Variants in RBL1 observed in about 807,000 individuals in gnomAD.
The protein encoded by RBL1 is retinoblastoma-like protein 1.
Under a neutral mutation model 123.0 loss-of-function variants are expected in RBL1, and 82 were observed. The ratio of observed to expected loss-of-function variants is 0.67; its 90% CI spans 0.56 to 0.80. The LOEUF (loss-of-function observed/expected upper bound fraction) is 0.80. RBL1 is among the 30% of genes least tolerant of loss of function. RBL1 has a pLI of 0.00. For missense variants in RBL1, 1,171 were observed against 1,299.6 expected, an observed-to-expected ratio of 0.90 and a Z score of 1.52; for synonymous variants, 405 against 441.3, an observed-to-expected ratio of 0.92 and a Z score of 1.03.
intron 11 of RBL1, among the ~76,000 whole-genome samples, chr20:37,050,724 C>A (rs1283205058): frequency 6.6e-6 from 1 of 151,720 alleles, no homozygotes; most frequent in Non-Finnish European, 1.5e-5. Context: ...CGACCAAGAA[C>A]TGCAGGGCAT....
intron 2 of RBL1, among the ~76,000 whole-genome samples, chr20:37,069,534 C>T (rs891903719): frequency 2.1e-5 from 3 of 144,454 alleles, no homozygotes; most frequent in Non-Finnish European, 3.1e-5. Flanking sequence ...GCTGCGACCC[C>T]GTCTGGGAGG....
At chr20:37,018,514 T>A in intron 18 of RBL1, 145 bp from the exon 19 acceptor site, 1 of 1,153,050 alleles carries the variant, frequency 8.7e-7, no homozygotes, top group South Asian at 2.0e-5. Flanking sequence ...TTATTAGCTC[T>A]AGTAAGTATA....
Position 37,015,138 on chromosome 20 carries a change from G to C in RBL1, c.2722+3141C>G, listed in dbSNP as rs1369807797. On this transcript the variant is annotated intron_variant, in intron 19 of 21. Transcript: ENST00000373664. ...TTTGATCTGAAACCTATATATACAG[G>C]AAGTGGCAAACTCTCAGTCACCCAA... 2.7e-5 allele frequency among the ~76,000 whole-genome samples: 4 copies of C among 150,832 alleles called. 1 individual carries two copies. Among genetic ancestry groups the C allele is most frequent in the Non-Finnish European group, 5.9e-5 (4 of 67,854 alleles).
intron 21 of RBL1, among the ~76,000 whole-genome samples, chr20:37,002,634 C>T (rs1297193747): frequency 2.0e-5 from 3 of 151,554 alleles, no homozygotes; most frequent in East Asian, 1.9e-4. Context: ...CCACCGTGCC[C>T]GGCCCTAATC....
intron 1 of RBL1, among the ~76,000 whole-genome samples, chr20:37,090,983 C>T (rs1237988430): frequency 2.0e-5 from 3 of 152,164 alleles, no homozygotes; most frequent in Admixed American, 6.6e-5. Flanking sequence ...CAATTTTCTG[C>T]ATTAGACTTC....
intron 15 of RBL1, 115 bp downstream of exon 15, chr20:37,035,127 A>T (rs969495859): frequency 2.9e-6 from 3 of 1,052,426 alleles, no homozygotes; most frequent in Non-Finnish European, 4.0e-6. Context: ...AAAAAAAAAA[A>T]GTATAGGTTC....
intron 18 of RBL1, among the ~76,000 whole-genome samples, chr20:37,019,908 C>T (rs1004779802): frequency 1.3e-5 from 2 of 152,028 alleles, no homozygotes; most frequent in Non-Finnish European, 1.5e-5. Flanking sequence ...ATTTTCACCA[C>T]GGTCAGAACA....
chr20:37,089,616 C>T (rs1277218927), intron 1 of RBL1, among the ~76,000 whole-genome samples: 1 of 150,820 alleles, frequency 6.6e-6, no homozygotes, highest in East Asian at 1.9e-4. Context: ...TACATTCCAA[C>T]ATAGGCAGCT....
intron 21 of RBL1, among the ~76,000 whole-genome samples, chr20:36,999,886 G>C (rs376192219): frequency 6.6e-6 from 1 of 152,198 alleles, no homozygotes; most frequent in Non-Finnish European, 1.5e-5. Flanking sequence ...GCAAAGTGCC[G>C]AGATTGCAGA....
chr20:37,040,392 C>G (rs2064702907), intron 13 of RBL1, 107 bp from the exon 14 acceptor site: 4 of 1,447,402 alleles, frequency 2.8e-6, no homozygotes, highest in Non-Finnish European at 1.8e-6. Flanking sequence ...CATTCTGTTG[C>G]CCAGGCTGGA....
intron 2 of RBL1, among the ~76,000 whole-genome samples, chr20:37,083,196 G>A (rs2065479717): frequency 6.6e-6 from 1 of 152,110 alleles, no homozygotes; most frequent in Admixed American, 6.6e-5. Flanking sequence ...GGCTGGGCGC[G>A]GTGGCTCATG....
intron 11 of RBL1, among the ~76,000 whole-genome samples, chr20:37,053,094 G>T (rs919126257): frequency 1.3e-5 from 2 of 152,190 alleles, no homozygotes; most frequent in Admixed American, 6.5e-5. Flanking sequence ...ATCATACATG[G>T]ACACTTCAAC....
intron 2 of RBL1, among the ~76,000 whole-genome samples, chr20:37,087,731 A>G (rs1260643308): frequency 1.3e-5 from 2 of 152,250 alleles, no homozygotes; most frequent in Admixed American, 1.3e-4. Context: ...AAGCAAATGC[A>G]ATACCTGATC....
intron 19 of RBL1, among the ~76,000 whole-genome samples, chr20:37,007,932 CT>C (rs1257406476): frequency 6.6e-6 from 1 of 152,044 alleles, no homozygotes; most frequent in African/African-American, 2.4e-5. Flanking sequence ...TTTAAATGAC[CT>C]TTCTACAATA....
intron 11 of RBL1, among the ~76,000 whole-genome samples, chr20:37,053,335 C>T (rs566185515): frequency 4.6e-5 from 7 of 152,318 alleles, no homozygotes; most frequent in South Asian, 4.1e-4. Context: ...CATTCTCCTA[C>T]GTCTGCATGA....
chr20:37,067,015 G>A lies in RBL1; in HGVS notation c.663C>T (p.Asp221=). The change falls in exon 5 of 22, where the codon GAC becomes GAT. Residue 221 remains aspartate (D), a synonymous_variant. Coordinates refer to ENST00000373664, the MANE Select transcript of RBL1 (RefSeq NM_002895.5). ...ANAIMCPNRQ[D]LLNPSFKGLP... ...TACCTTTAAATGATGGATTTAGCAA[G>A]TCTTGTCTATTTGGGCACATAATCG... 2 of 1,608,538 alleles carry A rather than the reference G, an allele frequency of 1.2e-6. No homozygotes were observed. Among genetic ancestry groups the A allele is most frequent in the South Asian group, 2.2e-5 (2 of 90,380 alleles).
rs149872152 is a variant in RBL1, at chr20:37,028,469, C to G, written c.2382+4196G>C. Among the ~76,000 whole-genome samples the G allele has an allele frequency of 1.1e-4, 16 of 152,244 alleles. No homozygotes were observed. The East Asian group carries it at 3.1e-3, about 29-fold the overall frequency. On this transcript the variant is annotated intron_variant, in intron 16 of 21. Coordinates refer to ENST00000373664, the MANE Select transcript of RBL1 (RefSeq NM_002895.5). ...ACTTGAACCCAGGAGTTCAAGGCTA[C>G]AGTGTGCCATGATCATGCCACTGCA...
intron 9 of RBL1, among the ~76,000 whole-genome samples, chr20:37,056,901 T>C (rs1453941652): frequency 6.6e-6 from 1 of 152,182 alleles, no homozygotes; most frequent in Non-Finnish European, 1.5e-5. Flanking sequence ...CTTAACATAA[T>C]GTACTAAAGG....
chr20:37,053,377 A>G (rs1026022910), intron 11 of RBL1, among the ~76,000 whole-genome samples: 2 of 152,160 alleles, frequency 1.3e-5, no homozygotes, highest in Admixed American at 1.3e-4. Flanking sequence ...TTCTTCTTAC[A>G]TTCCAAAGAT....
Sources: gnomAD v4.1 joint callset for allele counts (sites outside exome capture counted in the v4.1 genomes callset) on GRCh38, gnomAD v4.1.1 for gene constraint, MANE v1.5 for transcripts, NCBI Gene and HGNC (gene_info 2026-07-23, HGNC 2026-07-21) for gene names.